LRP1B: variants seen among roughly 807,000 people sequenced by gnomAD.
LRP1B encodes the protein low-density lipoprotein receptor-related protein 1B.
In LRP1B, 217 loss-of-function variants were observed where a neutral mutation model predicts 556.6. The observed-to-expected ratio is 0.39, with a 90% CI of 0.35 to 0.44. LRP1B has a LOEUF of 0.44. Among genes scored for constraint, LRP1B ranks in the 20% least tolerant of loss-of-function variants. The pLI, the probability that LRP1B is intolerant of heterozygous loss-of-function variation, is 1.00. For missense variants in LRP1B, 5,053 were observed against 5,620.8 expected (o/e 0.90, Z 3.23); for synonymous variants, 2,047 against 1,865.8 (o/e 1.10, Z -2.50).
At chr2:141,855,275 A>T (rs1364609262) in intron 1 of LRP1B, among the ~76,000 whole-genome samples, 1 of 152,132 alleles carries the variant, frequency 6.6e-6, no homozygotes, top group East Asian at 1.9e-4. Flanking sequence ...TTCATAAAAA[A>T]AAACTGCCTA....
intron 66 of LRP1B, among the ~76,000 whole-genome samples, chr2:140,430,590 A>G (rs1228546121): frequency 2.0e-5 from 3 of 151,852 alleles, no homozygotes; most frequent in Non-Finnish European, 4.4e-5. Flanking sequence ...CACATCGGTC[A>G]CTCCCACCTA....
intron 2 of LRP1B, among the ~76,000 whole-genome samples, chr2:141,798,767 T>C (rs534558731): frequency 1.3e-5 from 2 of 151,278 alleles, no homozygotes; most frequent in South Asian, 2.1e-4. Context: ...TTGTGTGTTA[T>C]GGGCTGAATT....
At chr2:141,349,428 G>T (rs1688370424) in intron 3 of LRP1B, among the ~76,000 whole-genome samples, 2 of 152,068 alleles carry the variant, frequency 1.3e-5, no homozygotes, top group South Asian at 4.1e-4. Flanking sequence ...GACCAGTTTT[G>T]GAAAGAGATT....
intron 7 of LRP1B, among the ~76,000 whole-genome samples, chr2:141,065,591 A>AT (rs776913038): frequency 1.3e-5 from 2 of 151,764 alleles, no homozygotes; most frequent in Non-Finnish European, 2.9e-5. Context: ...GATCTGTCTG[A>AT]TTTTTGTCAT....
intron 1 of LRP1B, among the ~76,000 whole-genome samples, chr2:142,065,252 T>C (rs1705068395): frequency 6.6e-6 from 1 of 151,474 alleles, no homozygotes; most frequent in Admixed American, 6.6e-5. Flanking sequence ...AAATCTGACA[T>C]GGATCTCAGA....
intron 3 of LRP1B, among the ~76,000 whole-genome samples, chr2:141,339,725 T>C (rs1438108111): frequency 6.6e-6 from 1 of 152,024 alleles, no homozygotes; most frequent in East Asian, 1.9e-4. Flanking sequence ...TTCTTTCAAA[T>C]AATTTGGCCC....
chr2:140,986,192 G>A (rs188063125), intron 17 of LRP1B, among the ~76,000 whole-genome samples: 14 of 151,008 alleles, frequency 9.3e-5, no homozygotes, highest in East Asian at 2.0e-4. Context: ...TTGAGTTCTC[G>A]TTCAGTTATT....
At chr2:141,593,847 G>C (rs1340940535) in intron 2 of LRP1B, among the ~76,000 whole-genome samples, 2 of 152,034 alleles carry the variant, frequency 1.3e-5, no homozygotes, top group African/African-American at 4.8e-5. Context: ...TAGGCAGATA[G>C]GGACGTGTCC....
chr2:141,160,974 A>G (rs1318494561), intron 7 of LRP1B, among the ~76,000 whole-genome samples: 6 of 152,098 alleles, frequency 3.9e-5, no homozygotes, highest in East Asian at 1.9e-4. Context: ...ATAATTTACT[A>G]TGGCTTTGTA....
chr2:142,064,578 C>T (rs1464305834), intron 1 of LRP1B, among the ~76,000 whole-genome samples: 2 of 151,428 alleles, frequency 1.3e-5, no homozygotes, highest in Non-Finnish European at 3.0e-5. Flanking sequence ...GTAAAATGCA[C>T]ACTTCTTCCT....
chr2:141,145,674 T>C (rs1195277156), intron 7 of LRP1B, among the ~76,000 whole-genome samples: 4 of 150,184 alleles, frequency 2.7e-5, no homozygotes, highest in African/African-American at 9.8e-5. Flanking sequence ...GCTGGGATTA[T>C]AGGCACGCAC....
intron 2 of LRP1B, among the ~76,000 whole-genome samples, chr2:141,762,734 T>C (rs565203072): frequency 6.6e-6 from 1 of 152,160 alleles, no homozygotes; most frequent in Non-Finnish European, 1.5e-5. Flanking sequence ...GAAGGGTCAT[T>C]ACTTGCGTGA....
intron 2 of LRP1B, among the ~76,000 whole-genome samples, chr2:141,630,286 C>T (rs996825807): frequency 2.0e-5 from 3 of 152,072 alleles, no homozygotes; most frequent in African/African-American, 7.2e-5. Flanking sequence ...AAGAATGAAA[C>T]AGCTGGAAAA....
chr2:140,674,043 G>T (rs748400372), intron 41 of LRP1B, among the ~76,000 whole-genome samples: 1 of 151,492 alleles, frequency 6.6e-6, no homozygotes, highest in Non-Finnish European at 1.5e-5. Context: ...CTGCCTCCTG[G>T]GTTCAAGCGA....
At chr2:141,541,627 C>T (rs1477256534) in intron 2 of LRP1B, among the ~76,000 whole-genome samples, 1 of 152,032 alleles carries the variant, frequency 6.6e-6, no homozygotes, top group Non-Finnish European at 1.5e-5. Context: ...TTCAATAATA[C>T]ACATGTTGTG....
chr2:140,564,788 A>T (rs1418664325), intron 43 of LRP1B, among the ~76,000 whole-genome samples: 1 of 152,144 alleles, frequency 6.6e-6, no homozygotes. Flanking sequence ...AAAGCAAGGC[A>T]CCAAATAGAC....
chr2:142,109,446 T>C (rs1706881663), intron 1 of LRP1B, among the ~76,000 whole-genome samples: 1 of 152,180 alleles, frequency 6.6e-6, no homozygotes, highest in Admixed American at 6.6e-5. Context: ...CTTTTTCTCC[T>C]ATTTTTACAA....
intron 2 of LRP1B, among the ~76,000 whole-genome samples, chr2:141,611,883 C>T (rs1156561770): frequency 1.3e-5 from 2 of 152,080 alleles, no homozygotes; most frequent in African/African-American, 2.4e-5. Flanking sequence ...GGACACAGCC[C>T]GATTTAATGG....
intron 3 of LRP1B, among the ~76,000 whole-genome samples, chr2:141,315,248 T>C (rs1686982456): frequency 7.5e-6 from 1 of 132,794 alleles, no homozygotes; most frequent in Non-Finnish European, 1.6e-5. Flanking sequence ...AAAGAATGAT[T>C]GTAATTTTTT....
Sources: allele counts gnomAD v4.1 joint callset (sites outside exome capture counted in the v4.1 genomes callset), GRCh38; gene constraint gnomAD v4.1.1; transcripts MANE v1.5; gene names NCBI Gene and HGNC (gene_info 2026-07-23, HGNC 2026-07-21).